The following MTOR variants were observed in gnomAD, a reference collection of about 807,000 sequenced individuals.
The protein encoded by MTOR is serine/threonine-protein kinase mTOR.
MTOR carries 70 observed loss-of-function variants against 319.8 expected under a neutral mutation model. The ratio of observed to expected loss-of-function variants is 0.22; its 90% confidence interval spans 0.18 to 0.27. MTOR has a LOEUF of 0.27. Ranked by LOEUF, MTOR falls within the 10% of genes least tolerant of loss-of-function variation. MTOR has a pLI of 1.00. For synonymous variants in MTOR, 1,183 were observed against 1,211.4 expected, an observed-to-expected ratio of 0.98 and a Z score of 0.49; for missense variants, 1,890 against 3,274.4, an observed-to-expected ratio of 0.58 and a Z score of 10.32.
Position 11,124,467 on chromosome 1 carries a change from A to C in MTOR, c.6662+31T>G, listed in dbSNP as rs200703122. Reference sequence around the variant, plus strand: ...GTAGGAAAAAACCAGAAGACTTCTCAAATTGTTGCCATTTCAGGGTTTCTG... The same window carrying C: ...GTAGGAAAAAACCAGAAGACTTCTCCAATTGTTGCCATTTCAGGGTTTCTG... On this transcript the variant is annotated intron_variant, in intron 47 of 57. Coordinates refer to ENST00000361445, the MANE Select transcript of MTOR (RefSeq NM_004958.4). 7.7e-5 allele frequency: 123 copies of C among 1,590,420 alleles called. No homozygotes were observed. The African/African-American group carries it at 1.4e-3, about 18-fold the overall frequency.
intron 21 of MTOR, 42 bp downstream of exon 21, chr1:11,213,357 G>C (rs1427268088): frequency 6.3e-7 from 1 of 1,587,458 alleles, no homozygotes; most frequent in South Asian, 1.1e-5. Context: ...GGACTCAGAG[G>C]AAATCAGAAA....
At position 11,247,906 on chromosome 1, in the gene MTOR, C is replaced by T. The variant is rs1474925980; in HGVS notation, c.1029G>A (p.Met343Ile). The T allele has an allele frequency of 1.2e-6, 2 of 1,614,068 alleles. No homozygotes were observed. Among genetic ancestry groups the T allele is most frequent in the Admixed American group, 1.7e-5 (1 of 59,988 alleles). The change falls in exon 7 of 58, where the codon ATG becomes ATA. Residue 343 changes from methionine (M) to isoleucine (I), a missense_variant. Coordinates refer to ENST00000361445, the MANE Select transcript of MTOR (RefSeq NM_004958.4). ...CTGGACTGGGGGAGGTCCCAAATCCCATGAGGCCTTGGTGAGAGCTGTACC... is the reference window on the plus strand; with the variant it reads ...CTGGACTGGGGGAGGTCCCAAATCCTATGAGGCCTTGGTGAGAGCTGTACC... ...LLGYSSHQGL[M>I]GFGTSPSPAK...
Position 11,254,431 on chromosome 1 carries a change from C to T in MTOR, c.706-458G>A, listed in dbSNP as rs568421932. Among the ~76,000 whole-genome samples, 19 of 152,210 alleles carry T rather than the reference C, an allele frequency of 1.2e-4. No individual in the cohort carries two copies. The South Asian group carries it at 3.1e-3, about 25-fold the overall frequency. The stretch of plus-strand genomic sequence containing the variant: ...CTGTGATTACAGGTGTAAGCCACCA[C>T]GCCCAGCCCCAGCTTCAATTCTCAT... On this transcript the variant is annotated intron_variant, in intron 5 of 57. Transcript: ENST00000361445.
intron 28 of MTOR, chr1:11,189,757 A>G (rs138991753): frequency 3.1e-6 from 5 of 1,614,186 alleles, no homozygotes; most frequent in Non-Finnish European, 3.4e-6. Flanking sequence ...TGCCAACCTT[A>G]GCAGCCTGCT....
intron 28 of MTOR, chr1:11,193,438 A>C: frequency 1.4e-6 from 1 of 708,830 alleles, no homozygotes; most frequent in Middle Eastern, 3.7e-4. Flanking sequence ...GGGCAGCATC[A>C]CTGCCCGAGT....
In MTOR at chr1:11,121,195, T is replaced by C; in HGVS notation, c.6933+51A>G. On this transcript the variant is annotated intron_variant, in intron 49 of 57. Transcript: ENST00000361445. The surrounding 1 kb of genome is among the most constrained non-coding windows in gnomAD (Gnocchi z 4.9). ...TGAACAGATGGGAGGGCCATCCTAT[T>C]GCGAGTGGGGGTTCCAGGAGAGCGC... 6.2e-7 allele frequency: 1 copy of C among 1,606,164 alleles called. No homozygotes were observed. Among genetic ancestry groups the C allele is most frequent in the Non-Finnish European group, 8.5e-7 (1 of 1,178,722 alleles).
At chr1:11,125,861 T>C (rs761607662) in intron 46 of MTOR, among the ~76,000 whole-genome samples, 26 of 151,214 alleles carry the variant, frequency 1.7e-4, no homozygotes, top group Non-Finnish European at 3.4e-4. Context: ...GCCAACATGG[T>C]GAAACCCCAA....
chr1:11,220,607 T>C (rs2100822751), intron 19 of MTOR, among the ~76,000 whole-genome samples: 1 of 152,226 alleles, frequency 6.6e-6, no homozygotes, highest in South Asian at 2.1e-4. Context: ...ACGACAATAA[T>C]GTTTAATAAG....
intron 9 of MTOR, among the ~76,000 whole-genome samples, chr1:11,242,500 CAAAAA>C (rs70977555): frequency 1.5e-4 from 8 of 52,632 alleles, no homozygotes; most frequent in Non-Finnish European, 1.9e-4. Flanking sequence ...GACTCCATCT[CAAAAA>C]AAAAAAAAAA....
At chr1:11,208,898 C>G (rs904116857) in intron 25 of MTOR, among the ~76,000 whole-genome samples, 2 of 152,192 alleles carry the variant, frequency 1.3e-5, no homozygotes, top group Non-Finnish European at 2.9e-5. Context: ...AGACTGCCAA[C>G]AACAGAATAA....
At chr1:11,255,959 T>C in intron 5 of MTOR, 33 bp downstream of exon 5, 2 of 1,597,342 alleles carry the variant, frequency 1.3e-6, no homozygotes, top group Non-Finnish European at 1.7e-6. Flanking sequence ...CAGATGTGCT[T>C]TGCTAGTGGT....
chr1:11,212,177 T>G lies in MTOR; in HGVS notation c.3561+135A>C, dbSNP rs1646334535. The G allele has an allele frequency of 8.9e-7, 1 of 1,125,088 alleles. No homozygotes were observed. Among genetic ancestry groups the G allele is most frequent in the Non-Finnish European group, 1.3e-6 (1 of 795,626 alleles). 69.7% of individuals were successfully genotyped at this position (1,125,088 alleles called of 1,614,324 possible). ...GCTCAATAAATGTTTGCTGAACACA[T>G]GAAAAGAAAAAAAGCAAGTAATTCC... On this transcript the variant is annotated intron_variant, in intron 23 of 57. Transcript: ENST00000361445. This position sits in a 1 kb window ranked among gnomAD's most constrained non-coding sequence, Gnocchi z 4.1.
intron 4 of MTOR, 69 bp from the exon 5 acceptor site, chr1:11,256,261 T>A (rs2100975965): frequency 6.5e-7 from 1 of 1,546,420 alleles, no homozygotes; most frequent in African/African-American, 1.4e-5. Flanking sequence ...GTACAGTCTC[T>A]TGTCATCTTA....
chr1:11,152,868 A>C (rs1367899632), intron 30 of MTOR, among the ~76,000 whole-genome samples: 1 of 152,018 alleles, frequency 6.6e-6, no homozygotes, highest in Non-Finnish European at 1.5e-5. Flanking sequence ...GCTTCTTTCG[A>C]CTCGTTTTAA....
intron 28 of MTOR, chr1:11,189,612 G>C (rs1305755975): frequency 1.9e-6 from 3 of 1,613,372 alleles, no homozygotes; most frequent in Non-Finnish European, 2.5e-6. Context: ...CTGTGACCTG[G>C]CTCTGCATTT....
chr1:11,249,157 G>T (rs1371858922), intron 6 of MTOR, among the ~76,000 whole-genome samples: 1 of 151,870 alleles, frequency 6.6e-6, no homozygotes, highest in African/African-American at 2.4e-5. Context: ...CCAGGAGGCG[G>T]AGGTTGCAGT....
rs1642913728 is a variant in MTOR, at chr1:11,127,740, C to A, written c.6100G>T (p.Ala2034Ser). Residue 2034 changes from alanine to serine, a missense_variant, in exon 44 of 58, where the codon GCA (alanine) becomes TCA (serine). By Grantham distance (99) the Ala-to-Ser change is moderately conservative. Around this residue, in one of 15 missense-constraint regions of MTOR, gnomAD observed 249 missense variants for 596.2 expected, o/e 0.42. Transcript: ENST00000361445. This position sits in a 1 kb window ranked among gnomAD's most constrained non-coding sequence, Gnocchi z 5.5. ...CTTTCCCCAAAGTACAAACGAGATG[C>A]CTCTTCCAGGCCTTCATGCCACATC... ...HEMWHEGLEEASRLYFGERNV... is the reference protein window; with the variant it reads ...HEMWHEGLEESSRLYFGERNV... The A allele has an allele frequency of 6.2e-7, 1 of 1,614,168 alleles. No homozygotes were observed. Among genetic ancestry groups the A allele is most frequent in the Non-Finnish European group, 8.5e-7 (1 of 1,180,028 alleles).
intron 28 of MTOR, among the ~76,000 whole-genome samples, chr1:11,172,579 T>C (rs1024679535): frequency 1.9e-5 from 2 of 102,818 alleles, no homozygotes; most frequent in Non-Finnish European, 3.9e-5. Flanking sequence ...AAAAAAAAAA[T>C]ACAACTTTGG....
chr1:11,192,233 G>C (rs374404701), intron 28 of MTOR: 146 of 1,485,678 alleles, frequency 9.8e-5, no homozygotes, highest in Admixed American at 3.2e-4. Flanking sequence ...GGAGCCACTG[G>C]GTCTAAATGC....
Sources: allele counts gnomAD v4.1 joint callset (sites outside exome capture counted in the v4.1 genomes callset), GRCh38; gene constraint gnomAD v4.1.1; regional missense constraint gnomAD v4.1.1; non-coding constraint Gnocchi (gnomAD v3.1); transcripts MANE v1.5; gene names NCBI Gene and HGNC (gene_info 2026-07-23, HGNC 2026-07-21).